The following GPHN variants were observed in gnomAD, a reference collection of about 807,000 sequenced individuals.
GPHN encodes the protein gephyrin.
GPHN carries 17 observed loss-of-function variants against 95.5 expected under a neutral mutation model. The ratio of observed to expected loss-of-function variants is 0.18; its 90% CI spans 0.12 to 0.27. GPHN has a LOEUF of 0.27. GPHN is among the 10% of genes least tolerant of loss of function. The pLI, the probability that GPHN is intolerant of heterozygous loss-of-function variation, is 1.00. For synonymous variants in GPHN, 320 were observed against 322.5 expected (o/e 0.99, Z 0.08); for missense variants, 660 against 978.1 (o/e 0.67, Z 4.34).
chr14:66,819,088 T>C (rs1453903218), intron 3 of GPHN, among the ~76,000 whole-genome samples: 4 of 152,246 alleles, frequency 2.6e-5, no homozygotes, highest in Non-Finnish European at 5.9e-5. Context: ...GCTCTTTAGT[T>C]TAATTAAATC....
chr14:66,668,006 A>G (rs374286323), intron 1 of GPHN, among the ~76,000 whole-genome samples: 2 of 152,354 alleles, frequency 1.3e-5, no homozygotes, highest in Admixed American at 6.5e-5. Flanking sequence ...GAAGATGTAC[A>G]TACAGCCAAC....
chr14:66,941,862 C>A (rs1052933826), intron 8 of GPHN, among the ~76,000 whole-genome samples: 1 of 152,158 alleles, frequency 6.6e-6, no homozygotes, highest in African/African-American at 2.4e-5. Flanking sequence ...TCACAGTATA[C>A]CTTACTTGAT....
At chr14:67,594,878 G>A in the GPHN span, among the ~76,000 whole-genome samples, 1 of 152,140 alleles carries the variant, frequency 6.6e-6, no homozygotes, top group Non-Finnish European at 1.5e-5. Flanking sequence ...GGCCGGGCGC[G>A]GTGGCTCACG....
chr14:67,014,326 C>CGT (rs769489048), intron 9 of GPHN, among the ~76,000 whole-genome samples: 8 of 152,072 alleles, frequency 5.3e-5, no homozygotes, highest in Admixed American at 1.3e-4. Flanking sequence ...TTCACTTATA[C>CGT]GTGAAGTTAT....
chr14:67,599,606 G>A, the GPHN span, among the ~76,000 whole-genome samples: 2 of 152,082 alleles, frequency 1.3e-5, no homozygotes, highest in Admixed American at 1.3e-4. Flanking sequence ...GGAAGTCTAC[G>A]TAAAGTATTG....
At chr14:67,122,826 T>TA in intron 17 of GPHN, among the ~76,000 whole-genome samples, 1 of 152,240 alleles carries the variant, frequency 6.6e-6, no homozygotes, top group Non-Finnish European at 1.5e-5. Context: ...TGTCTTTATG[T>TA]AACCTGTTTC....
chr14:67,587,817 G>A, the GPHN span: 1 of 156,682 alleles, frequency 6.4e-6, no homozygotes, highest in Non-Finnish European at 1.4e-5. Context: ...CAAAGTGCTG[G>A]GATTACAGGC....
chr14:67,136,210 C>G (rs1284272667), intron 17 of GPHN, among the ~76,000 whole-genome samples: 1 of 152,122 alleles, frequency 6.6e-6, no homozygotes, highest in Non-Finnish European at 1.5e-5. Context: ...TCGATTCACC[C>G]TAAGGGTTCT....
At chr14:67,595,516 GT>G in the GPHN span, among the ~76,000 whole-genome samples, 1 of 152,232 alleles carries the variant, frequency 6.6e-6, no homozygotes, top group African/African-American at 2.4e-5. Flanking sequence ...CAATTGAACA[GT>G]GAGTGAACCA....
At chr14:67,170,205 G>A (rs2082519555) in intron 21 of GPHN, among the ~76,000 whole-genome samples, 1 of 152,028 alleles carries the variant, frequency 6.6e-6, no homozygotes, top group Non-Finnish European at 1.5e-5. Flanking sequence ...GAACTTTGTG[G>A]ACTAGGATAT....
chr14:67,070,548 T>G (rs1229418522), intron 11 of GPHN, among the ~76,000 whole-genome samples: 3 of 149,286 alleles, frequency 2.0e-5, no homozygotes, highest in African/African-American at 7.4e-5. Context: ...ATACAAAAAT[T>G]AGCTGGGTGT....
chr14:66,817,103 C>A (rs2061001010), intron 3 of GPHN, among the ~76,000 whole-genome samples: 1 of 151,948 alleles, frequency 6.6e-6, no homozygotes, highest in South Asian at 2.1e-4. Flanking sequence ...TCTAATAACA[C>A]CATAATATAC....
intron 5 of GPHN, among the ~76,000 whole-genome samples, chr14:66,887,506 T>C (rs886103258): frequency 2.6e-5 from 4 of 151,874 alleles, no homozygotes; most frequent in African/African-American, 9.7e-5. Context: ...ACCTAGGAGG[T>C]GGAGGTTGCA....
chr14:66,877,189 C>T (rs1345523048), intron 4 of GPHN, among the ~76,000 whole-genome samples: 1 of 152,148 alleles, frequency 6.6e-6, no homozygotes, highest in South Asian at 2.1e-4. Context: ...TTCAGCGGCA[C>T]TTCATGCTAA....
the GPHN span, chr14:67,594,025 A>G: frequency 1.0e-6 from 1 of 957,034 alleles, no homozygotes. Flanking sequence ...TGAGGGGAAC[A>G]TGCATGGAGG....
chr14:66,681,783 T>A (rs1326249630), intron 2 of GPHN, among the ~76,000 whole-genome samples: 1 of 152,160 alleles, frequency 6.6e-6, no homozygotes. Context: ...TTTTACACTT[T>A]TATATTTACT....
At chr14:67,734,624 A>G in the GPHN span, among the ~76,000 whole-genome samples, 1 of 152,184 alleles carries the variant, frequency 6.6e-6, no homozygotes, top group Non-Finnish European at 1.5e-5. Context: ...GGAATGTAAG[A>G]TCCTCAGAGT....
chr14:67,258,085 T>G, the GPHN span, among the ~76,000 whole-genome samples: 2 of 151,992 alleles, frequency 1.3e-5, no homozygotes, highest in African/African-American at 4.8e-5. Flanking sequence ...TCTTATCTAG[T>G]ATTTAAATAT....
chr14:67,056,308 C>G (rs558905188), intron 10 of GPHN, among the ~76,000 whole-genome samples: 1 of 151,932 alleles, frequency 6.6e-6, no homozygotes, highest in East Asian at 1.9e-4. Flanking sequence ...CAAAAGTTCT[C>G]CAAGTCCCCA....
Sources: gnomAD v4.1 joint callset for allele counts (sites outside exome capture counted in the v4.1 genomes callset) on GRCh38, gnomAD v4.1.1 for gene constraint, MANE v1.5 for transcripts, NCBI Gene and HGNC (gene_info 2026-07-23, HGNC 2026-07-21) for gene names.